MYH10: variants seen among roughly 807,000 people sequenced by gnomAD.
MYH10 encodes the protein myosin-10.
MYH10 carries 55 observed loss-of-function variants against 257.8 expected under a neutral mutation model. That is an observed-to-expected ratio of 0.21 (90% CI 0.17 to 0.27). The LOEUF is 0.27. Ranked by LOEUF, MYH10 falls within the 10% of genes least tolerant of loss-of-function variation. The pLI is 1.00. For missense variants in MYH10, 1,631 were observed against 2,500.6 expected, an observed-to-expected ratio of 0.65 and a Z score of 7.42; for synonymous variants, 854 against 921.7, an observed-to-expected ratio of 0.93 and a Z score of 1.33.
chr17:8,487,160 G>C (rs1041197177), intron 36 of MYH10, among the ~76,000 whole-genome samples: 5 of 152,188 alleles, frequency 3.3e-5, no homozygotes, highest in African/African-American at 1.2e-4. Flanking sequence ...CCCTCCTCTC[G>C]AGGTGAGGAA....
At chr17:8,512,324 C>T (rs2081326037) in intron 24 of MYH10, 127 bp downstream of exon 24, 1 of 683,994 alleles carries the variant, frequency 1.5e-6, no homozygotes, top group Non-Finnish European at 2.5e-6. Context: ...CTAAGAGTGG[C>T]TTCTCATAAC....
Position 8,487,462 on chromosome 17 carries a change from C to T in MYH10, c.5017G>A (p.Glu1673Lys), listed in dbSNP as rs771695408. 1 of 1,614,254 alleles carries T rather than the reference C, an allele frequency of 6.2e-7. No homozygotes were observed. Among genetic ancestry groups the T allele is most frequent in the Non-Finnish European group, 8.5e-7 (1 of 1,180,058 alleles). ...QIEAANKARDEVIKQLRKLQA... is the reference protein window; with the variant it reads ...QIEAANKARDKVIKQLRKLQA... ...AGCTTGCGGAGCTGCTTAATCACCTCATCCCGAGCTTTGTTCGCAGCCTCG... is the reference window on the plus strand; with the variant it reads ...AGCTTGCGGAGCTGCTTAATCACCTTATCCCGAGCTTTGTTCGCAGCCTCG... Residue 1673 changes from glutamate (E) to lysine (K), a missense_variant, in exon 36 of 43, where the codon GAG becomes AAG. This residue lies in a region of MYH10 where 463 missense variants were observed against 621.8 expected (regional missense o/e 0.74). Coordinates refer to ENST00000360416, the MANE Select transcript of MYH10 (RefSeq NM_001256012.3).
chr17:8,617,721 T>C (rs2085321807), intron 2 of MYH10, among the ~76,000 whole-genome samples: 1 of 152,100 alleles, frequency 6.6e-6, no homozygotes, highest in Admixed American at 6.5e-5. Context: ...AAAAACAATG[T>C]ACAAAACAGT....
chr17:8,476,019 A>G, intron 42 of MYH10, 71 bp from the exon 43 acceptor site: 2 of 1,508,696 alleles, frequency 1.3e-6, no homozygotes, highest in African/African-American at 2.8e-5. Context: ...ATGTTCAACC[A>G]CTCAATGCCA....
At position 8,569,046 on chromosome 17, in the gene MYH10, TAA is replaced by T. The variant is rs372543566; in HGVS notation, c.756+672_756+673del. Among the ~76,000 whole-genome samples, 1 of 139,704 alleles carries T rather than the reference TAA, an allele frequency of 7.2e-6. No homozygotes were observed. The highest frequency in any genetic ancestry group is 2.1e-4 in the East Asian group (1 of 4,712). 91.7% of individuals were successfully genotyped at this position (139,704 alleles called of 152,430 possible). A position where few individuals can be genotyped will look rare whatever the true frequency, so the allele number is the denominator to read the frequency against. The stretch of plus-strand genomic sequence containing the variant: ...GACAACATAGTGAGACCCTAGTCTC[TAA>T]AAAAAAAAAAGTTACTCTTTTAAAT... On this transcript the variant is annotated intron_variant, in intron 7 of 42. Coordinates refer to ENST00000360416, the MANE Select transcript of MYH10 (RefSeq NM_001256012.3). This position sits in a 1 kb window ranked among gnomAD's most constrained non-coding sequence, Gnocchi z 4.1.
chr17:8,607,156 C>G (rs749746959), intron 2 of MYH10, among the ~76,000 whole-genome samples: 1 of 152,230 alleles, frequency 6.6e-6, no homozygotes, highest in African/African-American at 2.4e-5. Flanking sequence ...TTTGTACAAC[C>G]ACCCTCACTT....
In MYH10 at chr17:8,504,500, A is replaced by T. The variant is rs1454848446; in HGVS notation, c.3599+194T>A. On this transcript the variant is annotated intron_variant, in intron 28 of 42. Coordinates refer to ENST00000360416, the MANE Select transcript of MYH10 (RefSeq NM_001256012.3). The surrounding 1 kb of genome is among the most constrained non-coding windows in gnomAD (Gnocchi z 5.6). Reference sequence around the variant, plus strand: ...TGTCCCTCAGTCTGCTGGTTTACCCACCCACCCCTGCACAGGTATTTCTAC... The same window carrying T: ...TGTCCCTCAGTCTGCTGGTTTACCCTCCCACCCCTGCACAGGTATTTCTAC... 1.3e-5 allele frequency among the ~76,000 whole-genome samples: 2 copies of T among 152,072 alleles called. No homozygotes were observed. The highest frequency in any genetic ancestry group is 3.9e-4 in the East Asian group (2 of 5,166).
chr17:8,481,468 T>C, intron 37 of MYH10, 58 bp from the exon 38 acceptor site: 1 of 1,483,962 alleles, frequency 6.7e-7, no homozygotes, highest in Non-Finnish European at 9.4e-7. Flanking sequence ...ACCTGTGGAA[T>C]CTGACAGTGC....
rs902441824 is a variant in MYH10, at chr17:8,477,852, C to T, written c.5706+486G>A. Among the ~76,000 whole-genome samples the T allele has an allele frequency of 1.1e-4, 17 of 152,212 alleles. No individual in the cohort carries two copies. Among genetic ancestry groups the T allele is most frequent in the Non-Finnish European group, 1.2e-4 (8 of 68,034 alleles). On this transcript the variant is annotated intron_variant, in intron 41 of 42. Transcript: ENST00000360416. The surrounding 1 kb of genome is among the most constrained non-coding windows in gnomAD (Gnocchi z 4.2). ...CAGGCCTGACCCACAGTTCAAAGTC[C>T]TGCGGAACATTCCCTGTGTACTTAG...
chr17:8,520,277 A>G (rs1597723995), intron 19 of MYH10, among the ~76,000 whole-genome samples: 1 of 152,178 alleles, frequency 6.6e-6, no homozygotes, highest in African/African-American at 2.4e-5. Flanking sequence ...AGGCGGGATC[A>G]CGAGGTCAGG....
At chr17:8,478,933 C>T (rs1253902767) in intron 40 of MYH10, among the ~76,000 whole-genome samples, 2 of 152,170 alleles carry the variant, frequency 1.3e-5, no homozygotes, top group African/African-American at 2.4e-5. Context: ...GGTTTTACTA[C>T]GTTGGCCAGG....
intron 7 of MYH10, among the ~76,000 whole-genome samples, chr17:8,559,688 A>G (rs2036856878): frequency 6.6e-6 from 1 of 152,212 alleles, no homozygotes; most frequent in Non-Finnish European, 1.5e-5. Context: ...TATTTTAAAA[A>G]TAAGTATATT....
chr17:8,589,180 T>A, intron 3 of MYH10, 72 bp from the exon 4 acceptor site: 1 of 1,520,972 alleles, frequency 6.6e-7, no homozygotes, highest in South Asian at 1.2e-5. Context: ...TTTGATATAA[T>A]AAAGTTGCAG....
chr17:8,525,119 A>C lies in MYH10; in HGVS notation c.1958-3834T>G, dbSNP rs377379109. Among the ~76,000 whole-genome samples the C allele has an allele frequency of 1.8e-4, 28 of 152,348 alleles. No individual in the cohort carries two copies. The East Asian group carries it at 2.9e-3, about 16-fold the overall frequency. The stretch of plus-strand genomic sequence containing the variant: ...CAAAGACACAATGACTTCACATTCC[A>C]TCCTTTTCTCTCTGCCTGGAATGCC... On this transcript the variant is annotated intron_variant, in intron 17 of 42. Transcript: ENST00000360416.
intron 40 of MYH10, among the ~76,000 whole-genome samples, chr17:8,478,781 G>A (rs773104249): frequency 1.7e-4 from 26 of 152,210 alleles, no homozygotes; most frequent in East Asian, 5.8e-4. Flanking sequence ...CCCAGGCTGG[G>A]GTGCAGTGGC....
At chr17:8,590,836 C>G (rs2084101174) in intron 3 of MYH10, among the ~76,000 whole-genome samples, 1 of 150,816 alleles carries the variant, frequency 6.6e-6, no homozygotes, top group Non-Finnish European at 1.5e-5. Context: ...CTAGGAATAC[C>G]TTCCCAAACA....
chr17:8,511,059 T>TATATAC (rs1222415877), intron 24 of MYH10: 6 of 88,688 alleles, frequency 6.8e-5, no homozygotes, highest in African/African-American at 2.8e-4. Flanking sequence ...TATATATATA[T>TATATAC]ACACACATAC....
intron 5 of MYH10, 51 bp downstream of exon 5, chr17:8,577,185 G>A (rs2083530454): frequency 2.1e-6 from 3 of 1,452,812 alleles, no homozygotes; most frequent in South Asian, 2.4e-5. Context: ...TTTTGTTTCT[G>A]AAATTATAAA....
chr17:8,577,246 T>C lies in MYH10; in HGVS notation c.623A>G (p.His208Arg), dbSNP rs1301356268. The C allele has an allele frequency of 4.4e-6, 7 of 1,606,734 alleles. No homozygotes were observed. Among genetic ancestry groups the C allele is most frequent in the Admixed American group, 1.7e-5 (1 of 59,576 alleles). ...VASSHKGRKD[H>R]NIPQESPKPV... ...AGAGCAGAAACTTACAGGAATATTA[T>C]GGTCCTTTCTTCCTTTATGTGAAGA... is the stretch of plus-strand genomic sequence containing the variant. The change falls in exon 5 of 43, where the codon CAT becomes CGT. Residue 208 changes from histidine to arginine, a missense_variant. This residue lies in a region of MYH10 where 360 missense variants were observed against 581.9 expected (regional missense o/e 0.62). Transcript: ENST00000360416.
Sources: allele counts gnomAD v4.1 joint callset (sites outside exome capture counted in the v4.1 genomes callset), GRCh38; gene constraint gnomAD v4.1.1; regional missense constraint gnomAD v4.1.1; non-coding constraint Gnocchi (gnomAD v3.1); transcripts MANE v1.5; gene names NCBI Gene and HGNC (gene_info 2026-07-23, HGNC 2026-07-21).